Variants in SSH2 observed in about 807,000 individuals in gnomAD.
SSH2 encodes the protein protein phosphatase Slingshot homolog 2.
A neutral mutation model predicts 135.2 loss-of-function variants in SSH2; 37 were observed. The ratio of observed to expected loss-of-function variants is 0.27; its 90% CI spans 0.21 to 0.36. SSH2 has a LOEUF of 0.36. SSH2 is among the 10% of genes least tolerant of loss of function. The pLI is 1.00. For missense variants in SSH2, 1,408 were observed against 1,765.3 expected, an observed-to-expected ratio of 0.80 and a Z score of 3.63; for synonymous variants, 628 against 646.2, an observed-to-expected ratio of 0.97 and a Z score of 0.43.
chr17:29,678,603 A>G (rs2037825512), intron 6 of SSH2, among the ~76,000 whole-genome samples: 1 of 152,188 alleles, frequency 6.6e-6, no homozygotes, highest in Non-Finnish European at 1.5e-5. Flanking sequence ...AAATCAATGA[A>G]ACACTGCTTT....
In SSH2 at chr17:29,630,431, C is replaced by T. The variant is rs2035617814; in HGVS notation, c.*410G>A. The T allele has an allele frequency of 6.4e-6, 1 of 155,188 alleles. No homozygotes were observed. Among genetic ancestry groups the T allele is most frequent in the African/African-American group, 2.4e-5 (1 of 41,468 alleles). The allele number at this position is 155,188 out of a possible 1,614,324, so 9.6% of individuals were successfully genotyped here. A position where few individuals can be genotyped will look rare whatever the true frequency, so the allele number is the denominator to read the frequency against. On this transcript the variant is annotated 3_prime_UTR_variant, in exon 16 of 16. Transcript: ENST00000540801. Reference sequence around the variant, plus strand: ...GGAAACCAAACCATCATCACAAAGGCAGGGGAACATCTCCAATCCCCAGCT... The same window carrying T: ...GGAAACCAAACCATCATCACAAAGGTAGGGGAACATCTCCAATCCCCAGCT...
At chr17:29,912,770 C>A (rs2066788512) in intron 1 of SSH2, among the ~76,000 whole-genome samples, 3 of 152,006 alleles carry the variant, frequency 2.0e-5, no homozygotes, top group African/African-American at 7.2e-5. Flanking sequence ...CAAAAGATTT[C>A]ATATAATCTG....
intron 3 of SSH2, among the ~76,000 whole-genome samples, chr17:29,774,484 T>G (rs1301149994): frequency 1.3e-5 from 2 of 152,156 alleles, no homozygotes; most frequent in Non-Finnish European, 2.9e-5. Flanking sequence ...AGGCTGGTCT[T>G]GAACTCTTGA....
At chr17:29,643,482 G>A (rs950274152) in intron 14 of SSH2, among the ~76,000 whole-genome samples, 3 of 150,384 alleles carry the variant, frequency 2.0e-5, no homozygotes, top group Non-Finnish European at 2.9e-5. Context: ...CATGATCTCA[G>A]CTCACTGCAA....
At chr17:29,878,624 C>T (rs2066079508) in intron 1 of SSH2, among the ~76,000 whole-genome samples, 1 of 152,130 alleles carries the variant, frequency 6.6e-6, no homozygotes, top group Admixed American at 6.5e-5. Context: ...GTATAGACTA[C>T]AAATCTCCCT....
chr17:29,772,724 C>T (rs1044153031), intron 3 of SSH2, among the ~76,000 whole-genome samples: 1 of 152,068 alleles, frequency 6.6e-6, no homozygotes, highest in Non-Finnish European at 1.5e-5. Flanking sequence ...TTTCCTCTCT[C>T]CTCCTGGAGC....
At chr17:29,694,735 T>C (rs1472578700) in intron 5 of SSH2, among the ~76,000 whole-genome samples, 3 of 152,190 alleles carry the variant, frequency 2.0e-5, no homozygotes, top group Non-Finnish European at 4.4e-5. Flanking sequence ...TTCTGGCTTA[T>C]GTTTTTTTAA....
rs550003805 is a variant in SSH2, at chr17:29,852,485, T to A, written c.64-3556A>T. Among the ~76,000 whole-genome samples the A allele has an allele frequency of 5.5e-4, 83 of 151,984 alleles. 1 individual carries two copies. Among genetic ancestry groups the A allele is most frequent in the African/African-American group, 1.8e-3 (75 of 41,318 alleles). ...CCAACATATTTAGTTCTAAATTAAA[T>A]TCTGAGAAACCTAAAGGAAGACAAA... is the stretch of plus-strand genomic sequence containing the variant. On this transcript the variant is annotated intron_variant, in intron 1 of 15. Transcript: ENST00000540801.
At chr17:29,756,373 C>G (rs951478646) in intron 3 of SSH2, among the ~76,000 whole-genome samples, 2 of 151,878 alleles carry the variant, frequency 1.3e-5, no homozygotes, top group African/African-American at 4.8e-5. Context: ...TAGGCTCAAG[C>G]AATCCTCCTG....
intron 1 of SSH2, among the ~76,000 whole-genome samples, chr17:29,859,120 C>A (rs1285072992): frequency 1.3e-5 from 2 of 151,936 alleles, no homozygotes; most frequent in African/African-American, 4.8e-5. Flanking sequence ...TATGGTAGCC[C>A]TAACTATTTT....
At chr17:29,802,644 GA>G (rs1048074527) in intron 2 of SSH2, among the ~76,000 whole-genome samples, 35 of 141,154 alleles carry the variant, frequency 2.5e-4, no homozygotes, top group African/African-American at 3.9e-4. Flanking sequence ...AAAAAGAAAA[GA>G]AAAAAAAAGT....
intron 2 of SSH2, among the ~76,000 whole-genome samples, chr17:29,828,228 G>C (rs563392116): frequency 6.6e-6 from 1 of 152,288 alleles, no homozygotes; most frequent in South Asian, 2.1e-4. Flanking sequence ...GACTACACAA[G>C]AAACTTTTAA....
intron 3 of SSH2, among the ~76,000 whole-genome samples, chr17:29,788,447 TA>T (rs1366391417): frequency 6.6e-6 from 1 of 152,196 alleles, no homozygotes; most frequent in Non-Finnish European, 1.5e-5. Context: ...CCTAGTTCTT[TA>T]AGCCTTTGGA....
chr17:29,645,963 AAC>A (rs1013507690), intron 14 of SSH2: 5 of 152,196 alleles, frequency 3.3e-5, no homozygotes, highest in African/African-American at 1.2e-4. Context: ...GTTCAGGGGA[AAC>A]ACAGTCCAGA....
At position 29,792,090 on chromosome 17, in the gene SSH2, T is replaced by C. The variant is rs551884196; in HGVS notation, c.188+1804A>G. On this transcript the variant is annotated intron_variant, in intron 3 of 15. Transcript: ENST00000540801. ...GGCATGCACCACCATGCCTGGCTAA[T>C]TTTTTTTTGTATTTTTATTAAAGAT... Among the ~76,000 whole-genome samples the C allele has an allele frequency of 2.0e-4, 30 of 151,194 alleles. 1 individual carries two copies. Among genetic ancestry groups the C allele is most frequent in the African/African-American group, 6.8e-4 (28 of 41,306 alleles).
Position 29,789,748 on chromosome 17 carries a change from G to A in SSH2, c.188+4146C>T, listed in dbSNP as rs558370340. The stretch of plus-strand genomic sequence containing the variant: ...CAATGAGGGTGACGCTGCCACTCAA[G>A]TGCATCTGGAGAGCAGAGCATCAAA... On this transcript the variant is annotated intron_variant, in intron 3 of 15. Transcript: ENST00000540801. Among the ~76,000 whole-genome samples, 6 of 152,330 alleles carry A rather than the reference G, an allele frequency of 3.9e-5. No homozygotes were observed. In the South Asian group the frequency reaches 1.2e-3, roughly 32 times the overall value.
At chr17:29,731,938 C>A (rs1036874292) in intron 3 of SSH2, among the ~76,000 whole-genome samples, 3 of 152,076 alleles carry the variant, frequency 2.0e-5, no homozygotes, top group African/African-American at 7.2e-5. Context: ...CACCCCACAA[C>A]CCCAGTGCTG....
chr17:29,669,073 A>G (rs866285895), intron 9 of SSH2, among the ~76,000 whole-genome samples: 1 of 151,854 alleles, frequency 6.6e-6, no homozygotes, highest in African/African-American at 2.4e-5. Context: ...ACATGGTGAA[A>G]CCCCGTCTCT....
chr17:29,683,357 T>A (rs1489072280), intron 6 of SSH2, among the ~76,000 whole-genome samples: 1 of 152,192 alleles, frequency 6.6e-6, no homozygotes, highest in Non-Finnish European at 1.5e-5. Context: ...GTGTTGTGTG[T>A]CATCTTTCAT....
Sources: allele counts gnomAD v4.1 joint callset (sites outside exome capture counted in the v4.1 genomes callset), GRCh38; gene constraint gnomAD v4.1.1; transcripts MANE v1.5; gene names NCBI Gene and HGNC (gene_info 2026-07-23, HGNC 2026-07-21).